Variants in NBPF12 observed in about 807,000 individuals in gnomAD.
NBPF12 encodes the protein NBPF family member NBPF12.
NBPF12 carries 115 observed loss-of-function variants against 146.4 expected under a neutral mutation model. The ratio of observed to expected loss-of-function variants is 0.79; its 90% CI spans 0.68 to 0.92. NBPF12 has a LOEUF of 0.92. Ranked by LOEUF, NBPF12 falls within the 40% of genes least tolerant of loss-of-function variation. The pLI is 0.00. For missense variants in NBPF12, 1,205 were observed against 1,326.8 expected (o/e 0.91, Z 1.43); for synonymous variants, 385 against 508.9 (o/e 0.76, Z 3.28).
In NBPF12 at chr1:146,962,128, C is replaced by A. The variant is rs1235022622; in HGVS notation, c.176-33C>A. The A allele has an allele frequency of 6.2e-6, 10 of 1,605,168 alleles. No homozygotes were observed. The African/African-American group carries it at 1.3e-4, about 22-fold the overall frequency. ...TGACCACAGCAGCATGTCCAGCCTT[C>A]CACTGAGGCAGGCGTGTCTGTCTTT... On this transcript the variant is annotated intron_variant, in intron 4 of 33. Transcript: ENST00000617844.
chr1:146,949,021 C>T (rs1188673318), upstream of NBPF12, among the ~76,000 whole-genome samples: 165 of 145,808 alleles, frequency 1.1e-3, no homozygotes, highest in South Asian at 3.1e-3. Context: ...CATTTGTTCA[C>T]GTGTTTACCT....
exon 15 of NBPF12, chr1:146,974,841 G>A (rs1656876431): frequency 7.7e-7 from 1 of 1,290,564 alleles, no homozygotes; most frequent in Non-Finnish European, 1.1e-6. Context: ...GAGGAGCTCA[G>A]GTGAGGGGAC....
At position 146,981,287 on chromosome 1, in the gene NBPF12, A is replaced by AT. The variant is rs1570883418; in HGVS notation, c.2451-1641_2451-1640insT. On this transcript the variant is annotated intron_variant, in intron 19 of 33. Transcript: ENST00000617844. ...TAAGACTTAAAGTATTAAAAAAAAAAAAAAAAAATATATATATATATATAT... is the reference window on the plus strand; with the variant it reads ...TAAGACTTAAAGTATTAAAAAAAAAATAAAAAAAATATATATATATATATAT... 7.4e-3 allele frequency among the ~76,000 whole-genome samples: 822 copies of AT among 111,278 alleles called. 6 individuals are homozygous for AT. Among genetic ancestry groups the AT allele is most frequent in the East Asian group, 0.02 (65 of 3,286 alleles). 73.0% of individuals were successfully genotyped at this position (111,278 alleles called of 152,430 possible). A position where few individuals can be genotyped will look rare whatever the true frequency, so the allele number is the denominator to read the frequency against.
intron 30 of NBPF12, among the ~76,000 whole-genome samples, chr1:146,991,643 C>T (rs1181012186): frequency 4.6e-5 from 7 of 150,864 alleles, no homozygotes; most frequent in Non-Finnish European, 7.4e-5. Flanking sequence ...CATCCGTGAA[C>T]GAGCTGGGCA....
rs1183318900 is a variant in NBPF12 at position 146,965,531 on chromosome 1, C to A, written c.778+427C>A. On this transcript the variant is annotated intron_variant, in intron 8 of 33. Transcript: ENST00000617844. ...GGCACAGTGGGTTCCACCTGTAATC[C>A]CAGCACTTTGGGAGGCCGAGGCGGG... Among the ~76,000 whole-genome samples, 12 of 150,804 alleles carry A rather than the reference C, an allele frequency of 8.0e-5. No homozygotes were observed. In the East Asian group the frequency reaches 2.3e-3, roughly 29 times the overall value.
At chr1:146,944,951 T>A (rs1352842669), upstream of NBPF12, among the ~76,000 whole-genome samples, 3 of 38,428 alleles carry the variant, frequency 7.8e-5, no homozygotes, top group Non-Finnish European at 1.5e-4. Context: ...TCCCTTCTTT[T>A]CTTCCTCCCT....
rs1295867282 is a variant in NBPF12 at position 146,939,681 on chromosome 1, A to G, written c.-822+699A>G. On this transcript the variant is annotated intron_variant, in intron 1 of 35. Transcript: ENST00000617931. ...CACCCAAGAGTTAACCAAGCGAGGA[A>G]TGGTTTCCTCGCTTTCTTCCTACCT... Among the ~76,000 whole-genome samples the G allele has an allele frequency of 8.5e-4, 129 of 151,944 alleles. 1 individual carries two copies. Among genetic ancestry groups the G allele is most frequent in the African/African-American group, 2.7e-3 (111 of 41,320 alleles).
chr1:146,956,540 C>T (rs1290333929), intron 2 of NBPF12, among the ~76,000 whole-genome samples: 1 of 151,220 alleles, frequency 6.6e-6, no homozygotes, highest in African/African-American at 2.4e-5. Context: ...TTAATTTCTC[C>T]ATACTAGCAA....
At chr1:146,967,944 TATG>T (rs1309340869) in intron 9 of NBPF12, among the ~76,000 whole-genome samples, 2 of 145,102 alleles carry the variant, frequency 1.4e-5, no homozygotes, top group African/African-American at 5.3e-5. Context: ...ATGCTTCAGA[TATG>T]ATTCTTAAAA....
In NBPF12 at chr1:146,994,322, C is replaced by A. The variant is rs587648427; in HGVS notation, c.4131-10C>A. 1 of 1,611,438 alleles carries A rather than the reference C, an allele frequency of 6.2e-7. No individual in the cohort carries two copies. The highest frequency in any genetic ancestry group is 8.5e-7 in the Non-Finnish European group (1 of 1,179,782). ...CCTGGCTGCTTCTTTAGTTTTGTCTCCTTTTCCAGGCTCAACAGCGTGCTG... is the reference window on the plus strand; with the variant it reads ...CCTGGCTGCTTCTTTAGTTTTGTCTACTTTTCCAGGCTCAACAGCGTGCTG... On this transcript the variant is annotated splice_polypyrimidine_tract_variant and intron_variant, in intron 33 of 33. Transcript: ENST00000617844.
rs1288813357 is a variant in NBPF12 at position 146,957,895 on chromosome 1, A to AT, written c.-183-1963dup. Among the ~76,000 whole-genome samples, 720 of 113,092 alleles carry AT rather than the reference A, an allele frequency of 6.4e-3. 149 individuals are homozygous for AT. Among genetic ancestry groups the AT allele is most frequent in the Non-Finnish European group, 0.012 (625 of 53,530 alleles). 74.2% of individuals were successfully genotyped at this position (113,092 alleles called of 152,430 possible). ...TATTGTATATTATGTATATACACAT[A>AT]TATATACACGTATGTATATACACGT... On this transcript the variant is annotated intron_variant, in intron 2 of 33. Transcript: ENST00000617844.
At position 146,969,680 on chromosome 1, in the gene NBPF12, T is replaced by G. The variant is rs1331427923; in HGVS notation, c.1306+84T>G. 297 of 1,531,998 alleles carry G rather than the reference T, an allele frequency of 1.9e-4. 2 individuals are homozygous for G. The South Asian group carries it at 3.2e-3, about 16-fold the overall frequency. 94.9% of individuals were successfully genotyped at this position (1,531,998 alleles called of 1,614,324 possible). ...CTCCATACTTTCACAATGACAGTTGTATCAGTGGGGTTTTTTTCTACTACA... is the reference window on the plus strand; with the variant it reads ...CTCCATACTTTCACAATGACAGTTGGATCAGTGGGGTTTTTTTCTACTACA... On this transcript the variant is annotated intron_variant, in intron 11 of 33. Coordinates refer to ENST00000617844, the Ensembl canonical transcript of NBPF12.
Position 146,963,264 on chromosome 1 carries a change from G to T in NBPF12, c.448G>T (p.Glu150Ter). The T allele has an allele frequency of 6.2e-7, 1 of 1,612,008 alleles. No homozygotes were observed. The highest frequency in any genetic ancestry group is 1.3e-5 in the African/African-American group (1 of 74,772). Residue 150 changes from glutamate (E) to a stop codon, truncating the protein, a stop_gained, in exon 6 of 34, where the codon GAG becomes TAG. Transcript: ENST00000617844. LOFTEE classifies it high-confidence loss of function. ...GCAGGACCTCCAAGAACAGCTGGCTGAGGGGTGTAGACTGGCACAGCAACT... is the reference window on the plus strand; with the variant it reads ...GCAGGACCTCCAAGAACAGCTGGCTTAGGGGTGTAGACTGGCACAGCAACT...
At chr1:146,965,948 A>C (rs1474096852) in intron 8 of NBPF12, among the ~76,000 whole-genome samples, 3 of 151,508 alleles carry the variant, frequency 2.0e-5, no homozygotes, top group African/African-American at 7.3e-5. Context: ...TCTCTACTAA[A>C]AATACAAAAA....
intron 5 of NBPF12, 29 bp downstream of exon 8, chr1:146,962,292 C>G (rs1378875927): frequency 3.8e-6 from 6 of 1,568,362 alleles, no homozygotes; most frequent in Admixed American, 1.7e-5. Context: ...GGGAGGCAGG[C>G]GGGTAGGTGT....
At chr1:146,961,592 T>C (rs1655853769) in intron 4 of NBPF12, among the ~76,000 whole-genome samples, 2 of 150,294 alleles carry the variant, frequency 1.3e-5, no homozygotes, top group Admixed American at 1.3e-4. Context: ...CTCATACTAA[T>C]AAAGTATTTG....
At chr1:146,973,582 G>A (rs1156715322) in intron 14 of NBPF12, among the ~76,000 whole-genome samples, 1 of 149,348 alleles carries the variant, frequency 6.7e-6, no homozygotes, top group Non-Finnish European at 1.5e-5. Context: ...GAGGTCAGGA[G>A]TTTGAGACCA....
At chr1:146,950,523 C>A (rs1429576956) in intron 1 of NBPF12, among the ~76,000 whole-genome samples, 1 of 151,616 alleles carries the variant, frequency 6.6e-6, no homozygotes, top group Admixed American at 6.6e-5. Flanking sequence ...AGTTAGGATC[C>A]ACAGCCTGGG....
At chr1:146,945,042 CCCTG>C (rs1654980196), upstream of NBPF12, among the ~76,000 whole-genome samples, 1 of 110,930 alleles carries the variant, frequency 9.0e-6, no homozygotes. Context: ...CTCCCTCCCT[CCCTG>C]CCTTCCTCCC....
Sources: allele counts gnomAD v4.1 joint callset (sites outside exome capture counted in the v4.1 genomes callset), GRCh38; gene constraint gnomAD v4.1.1; transcripts MANE v1.5; gene names NCBI Gene and HGNC (gene_info 2026-07-23, HGNC 2026-07-21).